RAB35: variants seen among roughly 807,000 people sequenced by gnomAD.
RAB35 encodes the protein ras-related protein Rab-35.
A neutral mutation model predicts 28.9 loss-of-function variants in RAB35; 4 were observed. The ratio of observed to expected loss-of-function variants is 0.14; its 90% CI spans 0.07 to 0.32. The LOEUF (loss-of-function observed/expected upper bound fraction) is 0.32, where lower values mean the gene tolerates loss of function less well. Among genes scored for constraint, RAB35 ranks in the 10% least tolerant of loss-of-function variants. The pLI is 1.00. For missense variants in RAB35, 128 were observed against 274.0 expected, an observed-to-expected ratio of 0.47 and a Z score of 3.76; for synonymous variants, 99 against 105.1, an observed-to-expected ratio of 0.94 and a Z score of 0.35.
intron 1 of RAB35, 90 bp downstream of exon 1, chr12:120,116,509 C>G: frequency 8.2e-6 from 6 of 729,078 alleles, no homozygotes; most frequent in South Asian, 6.1e-5. Context: ...CCCGCACGGG[C>G]CGGCACCTCC....
intron 1 of RAB35, among the ~76,000 whole-genome samples, chr12:120,111,998 T>G (rs1030822931): frequency 2.2e-3 from 326 of 151,564 alleles, no homozygotes; most frequent in African/African-American, 7.4e-3. Context: ...TTTTTTTTTT[T>G]TAAATGGAGT....
chr12:120,108,848 T>C (rs186599534), intron 1 of RAB35: 65 of 386,944 alleles, frequency 1.7e-4, no homozygotes, highest in South Asian at 7.8e-4. Flanking sequence ...CCTAGAAAAG[T>C]GCACAGCACG....
rs1340574863 is a variant in RAB35 at position 120,103,108 on chromosome 12, A to G, written c.227+718T>C. Reference sequence around the variant, plus strand: ...GAAACGAGCGCAGAGAGCTTCGGCAACTTGCCTAAGGACACACAGCCCAAC... The same window carrying G: ...GAAACGAGCGCAGAGAGCTTCGGCAGCTTGCCTAAGGACACACAGCCCAAC... On this transcript the variant is annotated intron_variant, in intron 3 of 5. Transcript: ENST00000229340. The surrounding 1 kb of genome is among the most constrained non-coding windows in gnomAD (Gnocchi z 6.1). Among the ~76,000 whole-genome samples the G allele has an allele frequency of 6.6e-6, 1 of 152,200 alleles. No individual in the cohort carries two copies. Among genetic ancestry groups the G allele is most frequent in the Non-Finnish European group, 1.5e-5 (1 of 68,030 alleles).
In RAB35 at chr12:120,097,231, T is replaced by C. The variant is rs757002780; in HGVS notation, c.*14A>G. 3.7e-6 allele frequency: 6 copies of C among 1,614,136 alleles called. No homozygotes were observed. Among genetic ancestry groups the C allele is most frequent in the Non-Finnish European group, 4.2e-6 (5 of 1,180,036 alleles). On this transcript the variant is annotated 3_prime_UTR_variant, in exon 6 of 6. Coordinates refer to ENST00000229340, the MANE Select transcript of RAB35 (RefSeq NM_006861.7). Reference sequence around the variant, plus strand: ...AGGGACCGCAGTGCAGTCTCTGCAGTGGACTGGGTGCCATTAGCAGCAGCG... The same window carrying C: ...AGGGACCGCAGTGCAGTCTCTGCAGCGGACTGGGTGCCATTAGCAGCAGCG...
chr12:120,116,519 C>T, intron 1 of RAB35, 80 bp downstream of exon 1: 1 of 927,692 alleles, frequency 1.1e-6, no homozygotes, highest in Non-Finnish European at 1.3e-6. Flanking sequence ...CCGGCACCTC[C>T]CCGCCCGCCT....
chr12:120,109,869 A>G (rs942179404), intron 1 of RAB35, among the ~76,000 whole-genome samples: 9 of 151,870 alleles, frequency 5.9e-5, no homozygotes, highest in African/African-American at 2.2e-4. Flanking sequence ...ATGTCCTCCT[A>G]TCCTGTCCCC....
At chr12:120,111,971 C>T (rs999289263) in intron 1 of RAB35, among the ~76,000 whole-genome samples, 1 of 151,860 alleles carries the variant, frequency 6.6e-6, no homozygotes, top group African/African-American at 2.4e-5. Context: ...CCAACCAGTC[C>T]AGCCTGTCAT....
intron 2 of RAB35, among the ~76,000 whole-genome samples, chr12:120,106,474 C>T (rs1283903361): frequency 1.3e-5 from 2 of 152,188 alleles, no homozygotes; most frequent in Non-Finnish European, 2.9e-5. Context: ...CACAGAGCAG[C>T]CATCTCTTTC....
intron 2 of RAB35, among the ~76,000 whole-genome samples, chr12:120,105,602 G>C (rs10732609): frequency 6.6e-6 from 1 of 151,996 alleles, no homozygotes; most frequent in African/African-American, 2.4e-5. Flanking sequence ...AACATCCTTC[G>C]ACACGCAGGA....
Position 120,096,053 on chromosome 12 carries a change from G to C in RAB35, c.*1192C>G, listed in dbSNP as rs967073199. Reference sequence around the variant, plus strand: ...CCGCCCCAGCCATTCCTTCCCACCCGCCAGGAAATCCTCTTGCTACCTTTG... The same window carrying C: ...CCGCCCCAGCCATTCCTTCCCACCCCCCAGGAAATCCTCTTGCTACCTTTG... On this transcript the variant is annotated 3_prime_UTR_variant, in exon 6 of 6. Coordinates refer to ENST00000229340, the MANE Select transcript of RAB35 (RefSeq NM_006861.7). 5.5e-6 allele frequency: 1 copy of C among 180,994 alleles called. No homozygotes were observed. The highest frequency in any genetic ancestry group is 1.2e-5 in the Non-Finnish European group (1 of 85,448). 11.2% of individuals were successfully genotyped at this position (180,994 alleles called of 1,614,324 possible). A position where few individuals can be genotyped will look rare whatever the true frequency, so the allele number is the denominator to read the frequency against.
chr12:120,102,920 C>T (rs1265802518), intron 3 of RAB35, among the ~76,000 whole-genome samples: 1 of 152,160 alleles, frequency 6.6e-6, no homozygotes, highest in South Asian at 2.1e-4. Context: ...CAGGCTTGGC[C>T]GCTGGGAGGG....
chr12:120,110,290 A>AGTTTTTTTTTTTTTTTTTTTTTTTTTTT (rs1555297145), intron 1 of RAB35, among the ~76,000 whole-genome samples: 1 of 88,596 alleles, frequency 1.1e-5, no homozygotes, highest in Admixed American at 1.4e-4. Flanking sequence ...AGCCCACAGC[A>AGTTTTTTTTTTTTTTTTTTTTTTTTTTT]TTTTTTTTTT....
intron 1 of RAB35, among the ~76,000 whole-genome samples, chr12:120,111,618 T>G (rs1268443569): frequency 1.3e-5 from 2 of 151,124 alleles, no homozygotes; most frequent in East Asian, 3.9e-4. Flanking sequence ...GAGGCGGAGG[T>G]TGCAGCGAAC....
chr12:120,111,868 C>G (rs1455045571), intron 1 of RAB35, among the ~76,000 whole-genome samples: 1 of 152,142 alleles, frequency 6.6e-6, no homozygotes, highest in African/African-American at 2.4e-5. Flanking sequence ...AGCCATTACC[C>G]CACACCATCA....
Position 120,097,050 on chromosome 12 carries a change from G to C in RAB35, c.*195C>G. On this transcript the variant is annotated 3_prime_UTR_variant, in exon 6 of 6. Transcript: ENST00000229340. ...GGAGGAGGGGGCACCAGTAGGGAAG[G>C]GCGGGCTGGTCCAACACCTTCTTGG... The C allele has an allele frequency of 6.5e-7, 1 of 1,528,104 alleles. No individual in the cohort carries two copies. The highest frequency in any genetic ancestry group is 8.8e-7 in the Non-Finnish European group (1 of 1,141,660). The allele number at this position is 1,528,104 out of a possible 1,614,324, so 94.7% of individuals were successfully genotyped here.
chr12:120,108,721 A>C lies in RAB35; in HGVS notation c.53-254T>G, dbSNP rs889446057. 16 of 638,548 alleles carry C rather than the reference A, an allele frequency of 2.5e-5. No homozygotes were observed. In the Admixed American group the frequency reaches 3.4e-4, roughly 13 times the overall value. 39.6% of individuals were successfully genotyped at this position (638,548 alleles called of 1,614,324 possible). On this transcript the variant is annotated intron_variant, in intron 1 of 5. Transcript: ENST00000229340. ...CAAATCCCCTGGGGGAGAGATGAGA[A>C]AGGGACTGGTGCCCAGGCCCTAGGC...
At chr12:120,106,779 G>C (rs1292111357) in intron 2 of RAB35, among the ~76,000 whole-genome samples, 3 of 151,932 alleles carry the variant, frequency 2.0e-5, no homozygotes, top group Non-Finnish European at 1.5e-5. Context: ...AGTAGAGACA[G>C]AGTTTCACCA....
intron 2 of RAB35, among the ~76,000 whole-genome samples, chr12:120,104,551 C>T (rs1206259319): frequency 2.0e-5 from 3 of 152,166 alleles, no homozygotes; most frequent in Non-Finnish European, 4.4e-5. Context: ...GACTTTCTCT[C>T]GTGTGTGCTG....
intron 1 of RAB35, among the ~76,000 whole-genome samples, chr12:120,111,986 T>C (rs1306599700): frequency 6.7e-6 from 1 of 149,934 alleles, no homozygotes; most frequent in Admixed American, 6.6e-5. Flanking sequence ...TGTCATTCTT[T>C]TTTTTTTTTT....
Sources: allele counts gnomAD v4.1 joint callset (sites outside exome capture counted in the v4.1 genomes callset), GRCh38; gene constraint gnomAD v4.1.1; non-coding constraint Gnocchi (gnomAD v3.1); transcripts MANE v1.5; gene names NCBI Gene and HGNC (gene_info 2026-07-23, HGNC 2026-07-21).